The following CUBN variants were observed in gnomAD, a reference collection of about 807,000 sequenced individuals.
The protein encoded by CUBN is 460 kDa receptor.
Under a neutral mutation model 405.3 loss-of-function variants are expected in CUBN, and 282 were observed. The ratio of observed to expected loss-of-function variants is 0.70; its 90% CI spans 0.63 to 0.77. The LOEUF is 0.77. Ranked by LOEUF, CUBN falls within the 30% of genes least tolerant of loss-of-function variation. The pLI is 0.00. For missense variants in CUBN, 4,514 were observed against 4,475.2 expected (o/e 1.01, Z -0.25); for synonymous variants, 1,684 against 1,617.0 (o/e 1.04, Z -0.99).
intron 39 of CUBN, among the ~76,000 whole-genome samples, chr10:16,936,317 C>G (rs987194146): frequency 6.6e-6 from 1 of 152,174 alleles, no homozygotes; most frequent in Non-Finnish European, 1.5e-5. Flanking sequence ...AATGTTGCCT[C>G]TAAATTGCAT....
At chr10:17,057,685 G>GAA (rs200467957) in intron 22 of CUBN, among the ~76,000 whole-genome samples, 16 of 150,974 alleles carry the variant, frequency 1.1e-4, no homozygotes, top group African/African-American at 3.4e-4. Context: ...TAAAAACTGG[G>GAA]AAAAAAAAGC....
At chr10:16,953,756 T>C (rs1278015128) in intron 32 of CUBN, among the ~76,000 whole-genome samples, 1 of 151,422 alleles carries the variant, frequency 6.6e-6, no homozygotes, top group African/African-American at 2.4e-5. Flanking sequence ...GAGGCTGAGG[T>C]GGGAGGATTG....
Position 17,111,065 on chromosome 10 carries a change from G to A in CUBN, c.884-15C>T. 6.2e-7 allele frequency: 1 copy of A among 1,613,822 alleles called. No individual in the cohort carries two copies. Among genetic ancestry groups the A allele is most frequent in the East Asian group, 2.2e-5 (1 of 44,870 alleles). On this transcript the variant is annotated splice_polypyrimidine_tract_variant and intron_variant, in intron 8 of 66. Coordinates refer to ENST00000377833, the MANE Select transcript of CUBN (RefSeq NM_001081.4). ...GCCTTGCCAGCCTAGGAAAACAAGA[G>A]GATTTAAAAGTTTAGCTCTATAGAC... is the stretch of plus-strand genomic sequence containing the variant.
chr10:17,010,099 C>A (rs567222410), intron 28 of CUBN, among the ~76,000 whole-genome samples: 2 of 152,306 alleles, frequency 1.3e-5, no homozygotes, highest in East Asian at 3.9e-4. Context: ...CATCCTCTAT[C>A]CAACAAGATC....
intron 4 of CUBN, 64 bp downstream of exon 4, chr10:17,126,697 C>T: frequency 3.3e-6 from 5 of 1,505,650 alleles, no homozygotes; most frequent in Non-Finnish European, 4.6e-6. Context: ...AGAATAGCAG[C>T]TCTATTAATG....
chr10:16,962,958 T>C (rs1843276745), intron 31 of CUBN, among the ~76,000 whole-genome samples: 1 of 152,098 alleles, frequency 6.6e-6, no homozygotes, highest in Admixed American at 6.5e-5. Context: ...GGCTGTCCAG[T>C]GCTGTATTCA....
rs59957943 is a variant in CUBN, at chr10:17,083,516, A to AATAAATACATAC, written c.2301+754_2301+755insGTATGTATTTAT. 2.2e-3 allele frequency among the ~76,000 whole-genome samples: 307 copies of AATAAATACATAC among 142,718 alleles called. 1 individual carries two copies. Among genetic ancestry groups the AATAAATACATAC allele is most frequent in the Middle Eastern group, 7.4e-3 (2 of 270 alleles). The allele number at this position is 142,718 out of a possible 152,430, so 93.6% of individuals were successfully genotyped here. A position where few individuals can be genotyped will look rare whatever the true frequency, so the allele number is the denominator to read the frequency against. On this transcript the variant is annotated intron_variant, in intron 17 of 66. Coordinates refer to ENST00000377833, the MANE Select transcript of CUBN (RefSeq NM_001081.4). ...GCGAAACTCCGTCTCAAAATAAATA[A>AATAAATACATAC]ATACATACATACATACATACATACA...
chr10:16,992,345 C>T (rs1158854830), intron 28 of CUBN, among the ~76,000 whole-genome samples: 4 of 152,148 alleles, frequency 2.6e-5, no homozygotes, highest in Non-Finnish European at 5.9e-5. Context: ...ACATATGTGA[C>T]AAACCTGCAC....
At chr10:16,949,723 T>C (rs1588510982) in intron 34 of CUBN, among the ~76,000 whole-genome samples, 1 of 152,220 alleles carries the variant, frequency 6.6e-6, no homozygotes, top group East Asian at 1.9e-4. Flanking sequence ...CTGGGATGGG[T>C]TGCATTCCAC....
At position 16,933,202 on chromosome 10, in the gene CUBN, T is replaced by G; in HGVS notation, c.6009A>C (p.Arg2003Ser). ...CCTGGATGAGCCACGTACAGTCCAC[T>G]CTATTACTGTAACTGTCAGGCCAGC... ...SPGWPDSYSNRVDCTWLIQAP... is the reference protein window; with the variant it reads ...SPGWPDSYSNSVDCTWLIQAP... Residue 2003 changes from arginine to serine, a missense_variant, in exon 40 of 67, where the codon AGA (arginine) becomes AGC (serine). Physicochemically the swap from Arg to Ser is moderately radical, Grantham distance 110. Coordinates refer to ENST00000377833, the MANE Select transcript of CUBN (RefSeq NM_001081.4). The G allele has an allele frequency of 6.2e-7, 1 of 1,614,086 alleles. No individual in the cohort carries two copies. Among genetic ancestry groups the G allele is most frequent in the Non-Finnish European group, 8.5e-7 (1 of 1,179,962 alleles).
intron 31 of CUBN, among the ~76,000 whole-genome samples, chr10:16,976,943 T>C (rs536853020): frequency 3.3e-4 from 50 of 152,198 alleles, no homozygotes; most frequent in Non-Finnish European, 5.1e-4. Context: ...TCACTTTCTA[T>C]AGTATGCAGT....
At chr10:16,956,736 T>C (rs959362547) in intron 31 of CUBN, among the ~76,000 whole-genome samples, 5 of 152,198 alleles carry the variant, frequency 3.3e-5, no homozygotes, top group South Asian at 2.1e-4. Flanking sequence ...GTATGGAGAA[T>C]ACACCAATTG....
At chr10:16,862,160 T>TCTCTCACACA (rs144560387) in intron 59 of CUBN, among the ~76,000 whole-genome samples, 67 of 131,202 alleles carry the variant, frequency 5.1e-4, no homozygotes, top group African/African-American at 2.0e-3. Flanking sequence ...TCTCTCTCTC[T>TCTCTCACACA]CACACACACA....
chr10:17,026,641 AAT>A (rs1491333098), intron 27 of CUBN, among the ~76,000 whole-genome samples: 44 of 148,664 alleles, frequency 3.0e-4, no homozygotes, highest in South Asian at 8.5e-4. Flanking sequence ...CAAAAAAAAA[AAT>A]AAATAAATAA....
At chr10:16,850,352 A>T (rs1839649840) in intron 60 of CUBN, among the ~76,000 whole-genome samples, 1 of 152,236 alleles carries the variant, frequency 6.6e-6, no homozygotes, top group South Asian at 2.1e-4. Flanking sequence ...GCAGTAGTAA[A>T]TACTGATTGA....
At chr10:16,902,902 C>A (rs1341060725) in intron 51 of CUBN, among the ~76,000 whole-genome samples, 1 of 152,050 alleles carries the variant, frequency 6.6e-6, no homozygotes, top group Non-Finnish European at 1.5e-5. Context: ...GGAATTGAGA[C>A]TTTTACAAGA....
rs144577667 is a variant in CUBN at position 16,828,554 on chromosome 10, C to T, written c.10764+251G>A. 7.7e-3 allele frequency among the ~76,000 whole-genome samples: 1,164 copies of T among 152,134 alleles called. 10 individuals are homozygous for T. Among genetic ancestry groups the T allele is most frequent in the African/African-American group, 0.025 (1,054 of 41,506 alleles). Reference sequence around the variant, plus strand: ...TCAACATGGCAAAACCCTGTTTCTACTAAAAGTACAAAAATTAGCTGAGTG... The same window carrying T: ...TCAACATGGCAAAACCCTGTTTCTATTAAAAGTACAAAAATTAGCTGAGTG... On this transcript the variant is annotated intron_variant, in intron 66 of 66. Coordinates refer to ENST00000377833, the MANE Select transcript of CUBN (RefSeq NM_001081.4).
chr10:17,041,138 C>T lies in CUBN; in HGVS notation c.3912G>A (p.Gln1304=), dbSNP rs139281325. The change falls in exon 27 of 67, where the codon CAG becomes CAA. Residue 1304 remains glutamine, a synonymous_variant. Transcript: ENST00000377833. ...IGYPNPYSEN[Q]HCNWTIRATT... is the part of the protein sequence containing the mutation. ...TTGCCCGGATGGTCCAGTTGCAATGCTGATTTTCAGAATAAGGATTCGGAT... is the reference window on the plus strand; with the variant it reads ...TTGCCCGGATGGTCCAGTTGCAATGTTGATTTTCAGAATAAGGATTCGGAT... The T allele has an allele frequency of 1.9e-6, 3 of 1,613,610 alleles. No homozygotes were observed. Among genetic ancestry groups the T allele is most frequent in the African/African-American group, 2.7e-5 (2 of 74,872 alleles).
At chr10:16,978,685 C>T (rs1833171138) in intron 31 of CUBN, among the ~76,000 whole-genome samples, 1 of 152,084 alleles carries the variant, frequency 6.6e-6, no homozygotes, top group East Asian at 1.9e-4. Context: ...TTGAAAGATC[C>T]AGTAACCAAG....
Sources: allele counts gnomAD v4.1 joint callset (sites outside exome capture counted in the v4.1 genomes callset), GRCh38; gene constraint gnomAD v4.1.1; transcripts MANE v1.5; gene names NCBI Gene and HGNC (gene_info 2026-07-23, HGNC 2026-07-21).